Variants in NTM observed in about 807,000 individuals in gnomAD.
NTM encodes the protein neurotrimin, also known as IgLON family member 2.
In NTM, 13 loss-of-function variants were observed where a neutral mutation model predicts 42.1. The observed-to-expected ratio is 0.31, with a 90% CI of 0.20 to 0.49. The LOEUF (loss-of-function observed/expected upper bound fraction) is 0.49, where lower values mean the gene tolerates loss of function less well. Among genes scored for constraint, NTM ranks in the 20% least tolerant of loss-of-function variants. NTM has a pLI of 0.99. For synonymous variants in NTM, 187 were observed against 179.2 expected (o/e 1.04, Z -0.35); for missense variants, 373 against 452.8 (o/e 0.82, Z 1.60).
intron 1 of NTM, among the ~76,000 whole-genome samples, chr11:131,381,222 A>G (rs1345302068): frequency 6.6e-6 from 1 of 152,194 alleles, no homozygotes; most frequent in African/African-American, 2.4e-5. Flanking sequence ...AAATGACTGG[A>G]TGAATTCATC....
intron 1 of NTM, among the ~76,000 whole-genome samples, chr11:131,812,060 A>C (rs1156801900): frequency 2.6e-5 from 4 of 152,178 alleles, no homozygotes; most frequent in Non-Finnish European, 4.4e-5. Flanking sequence ...ACAACCACCC[A>C]GTGCGTGTAG....
intron 1 of NTM, among the ~76,000 whole-genome samples, chr11:131,604,820 C>G (rs376406636): frequency 6.6e-6 from 1 of 151,438 alleles, no homozygotes; most frequent in Non-Finnish European, 1.5e-5. Flanking sequence ...ATTCTTTCTC[C>G]CATTGAATTT....
At chr11:131,591,532 T>C (rs993864236) in intron 1 of NTM, among the ~76,000 whole-genome samples, 1 of 152,236 alleles carries the variant, frequency 6.6e-6, no homozygotes, top group Non-Finnish European at 1.5e-5. Context: ...ATGGATTCCC[T>C]GCCTAACAAG....
intron 1 of NTM, among the ~76,000 whole-genome samples, chr11:131,513,104 T>G (rs1269337077): frequency 6.6e-6 from 1 of 152,220 alleles, no homozygotes; most frequent in Non-Finnish European, 1.5e-5. Context: ...GAAGGCTCCA[T>G]GGCTCCCCGT....
chr11:131,741,035 A>G (rs933704862), intron 1 of NTM, among the ~76,000 whole-genome samples: 4 of 152,014 alleles, frequency 2.6e-5, no homozygotes, highest in African/African-American at 4.8e-5. Flanking sequence ...CATGGTGGCA[A>G]GTGCCTGTAA....
At chr11:132,010,285 C>T (rs182784341) in intron 2 of NTM, among the ~76,000 whole-genome samples, 2 of 152,188 alleles carry the variant, frequency 1.3e-5, no homozygotes, top group African/African-American at 4.8e-5. Context: ...AGCTATAGCC[C>T]CAGCTTTTAG....
intron 1 of NTM, among the ~76,000 whole-genome samples, chr11:131,907,354 A>C (rs1285952619): frequency 6.6e-6 from 1 of 152,276 alleles, no homozygotes; most frequent in Non-Finnish European, 1.5e-5. Flanking sequence ...GGTTGCCTGA[A>C]GTCTCCATCT....
At position 131,574,424 on chromosome 11, in the gene NTM, A is replaced by T. The variant is rs79866458; in HGVS notation, c.82+203536A>T. 2.8e-3 allele frequency among the ~76,000 whole-genome samples: 428 copies of T among 152,286 alleles called. 2 individuals are homozygous for T. Among genetic ancestry groups the T allele is most frequent in the African/African-American group, 9.3e-3 (387 of 41,564 alleles). ...CTATTTTACAGAGGCATAAATTGAGACCCAGATGGTGGTGATGTGACTTGT... is the reference window on the plus strand; with the variant it reads ...CTATTTTACAGAGGCATAAATTGAGTCCCAGATGGTGGTGATGTGACTTGT... On this transcript the variant is annotated intron_variant, in intron 1 of 8. Coordinates refer to ENST00000683400, the MANE Select transcript of NTM (RefSeq NM_001352005.2).
chr11:131,648,972 A>G (rs1462568984), intron 1 of NTM, among the ~76,000 whole-genome samples: 1 of 152,236 alleles, frequency 6.6e-6, no homozygotes, highest in Non-Finnish European at 1.5e-5. Flanking sequence ...AGGACTTGAC[A>G]AAGAGCAAAG....
intron 1 of NTM, among the ~76,000 whole-genome samples, chr11:131,727,728 C>T (rs144711349): frequency 7.9e-5 from 12 of 152,264 alleles, no homozygotes; most frequent in African/African-American, 1.2e-4. Flanking sequence ...CAGAAGAGGT[C>T]TGCATTGCTC....
intron 1 of NTM, among the ~76,000 whole-genome samples, chr11:131,617,322 C>T (rs138990307): frequency 4.6e-5 from 7 of 152,216 alleles, no homozygotes; most frequent in Non-Finnish European, 1.0e-4. Flanking sequence ...GGAAAGAAAA[C>T]GTGTGCTTCG....
chr11:132,048,935 T>C (rs2078446591), intron 2 of NTM, among the ~76,000 whole-genome samples: 1 of 151,534 alleles, frequency 6.6e-6, no homozygotes, highest in Admixed American at 6.6e-5. Flanking sequence ...CCTTACCCTG[T>C]AGGAGATTCA....
At chr11:131,525,168 C>T (rs1412891061) in intron 1 of NTM, among the ~76,000 whole-genome samples, 2 of 152,134 alleles carry the variant, frequency 1.3e-5, no homozygotes, top group Non-Finnish European at 2.9e-5. Context: ...GGTCTCTCTC[C>T]AGCAGGATTG....
At chr11:131,943,291 C>G (rs911479298) in intron 2 of NTM, among the ~76,000 whole-genome samples, 2 of 152,198 alleles carry the variant, frequency 1.3e-5, no homozygotes, top group African/African-American at 4.8e-5. Context: ...TCCAGGCTCA[C>G]TCACATGGAA....
At chr11:132,159,827 C>T (rs1007723949) in intron 3 of NTM, among the ~76,000 whole-genome samples, 2 of 152,176 alleles carry the variant, frequency 1.3e-5, no homozygotes, top group African/African-American at 4.8e-5. Flanking sequence ...GCCCAGCGAG[C>T]TAAGGCCCGA....
At chr11:131,977,446 A>C (rs1166139352) in intron 2 of NTM, among the ~76,000 whole-genome samples, 2 of 152,084 alleles carry the variant, frequency 1.3e-5, no homozygotes, top group African/African-American at 2.4e-5. Context: ...TCCACCAATC[A>C]CTCAGGCGCA....
intron 2 of NTM, among the ~76,000 whole-genome samples, chr11:131,994,273 A>C (rs1046465220): frequency 2.6e-5 from 4 of 152,318 alleles, no homozygotes; most frequent in African/African-American, 7.2e-5. Context: ...TTTTGCAGTC[A>C]ATGAGTAAAC....
chr11:131,947,361 T>C (rs1268408040), intron 2 of NTM, among the ~76,000 whole-genome samples: 2 of 152,126 alleles, frequency 1.3e-5, no homozygotes, highest in Non-Finnish European at 2.9e-5. Context: ...TCTGGACCGC[T>C]TCAGGAACCC....
chr11:131,724,140 G>T (rs752346874), intron 1 of NTM, among the ~76,000 whole-genome samples: 1 of 152,112 alleles, frequency 6.6e-6, no homozygotes, highest in Non-Finnish European at 1.5e-5. Flanking sequence ...AGAAGGGAGT[G>T]CTCAGGTACC....
Sources: allele counts gnomAD v4.1 joint callset (sites outside exome capture counted in the v4.1 genomes callset), GRCh38; gene constraint gnomAD v4.1.1; transcripts MANE v1.5; gene names NCBI Gene and HGNC (gene_info 2026-07-23, HGNC 2026-07-21).